The following CSMD1 variants were observed in gnomAD, a reference collection of about 807,000 sequenced individuals.
CSMD1 encodes CUB and sushi domain-containing protein 1.
Under a neutral mutation model 417.5 loss-of-function variants are expected in CSMD1, and 213 were observed. The observed-to-expected ratio is 0.51, with a 90% CI of 0.46 to 0.57. The LOEUF is 0.57. CSMD1 is among the 20% of genes least tolerant of loss of function. The pLI is 0.00. For synonymous variants in CSMD1, 2,862 were observed against 1,736.8 expected, an observed-to-expected ratio of 1.65 and a Z score of -16.11; for missense variants, 6,923 against 4,529.7, an observed-to-expected ratio of 1.53 and a Z score of -15.17.
intron 5 of CSMD1, among the ~76,000 whole-genome samples, chr8:3,852,912 T>C (rs1804015406): frequency 6.6e-6 from 1 of 152,184 alleles, no homozygotes; most frequent in African/African-American, 2.4e-5. Context: ...TAAAATATTT[T>C]ATCTTGATCC....
In CSMD1 at chr8:3,638,442, CA is replaced by C. The variant is rs112968543; in HGVS notation, c.1010-21646del. Among the ~76,000 whole-genome samples the C allele has an allele frequency of 2.0e-3, 279 of 141,448 alleles. 3 individuals are homozygous for C. The highest frequency in any genetic ancestry group is 0.017 in the South Asian group (78 of 4,482). The allele number at this position is 141,448 out of a possible 152,430, so 92.8% of individuals were successfully genotyped here. A position where few individuals can be genotyped will look rare whatever the true frequency, so the allele number is the denominator to read the frequency against. On this transcript the variant is annotated intron_variant, in intron 7 of 69. Coordinates refer to ENST00000635120, the MANE Select transcript of CSMD1 (RefSeq NM_033225.6). ...TTTGCCCACCGCAACTGCACCCCTC[CA>C]AAAAAAAAAACACTGCCTCTGAAAT...
intron 3 of CSMD1, among the ~76,000 whole-genome samples, chr8:4,206,248 G>C (rs1799970411): frequency 6.6e-6 from 1 of 152,056 alleles, no homozygotes; most frequent in Non-Finnish European, 1.5e-5. Flanking sequence ...ACAAGGGGCA[G>C]GTTTGTTACA....
intron 3 of CSMD1, among the ~76,000 whole-genome samples, chr8:4,267,856 A>G (rs1421855911): frequency 6.6e-6 from 1 of 152,140 alleles, no homozygotes; most frequent in African/African-American, 2.4e-5. Flanking sequence ...AATTATTGTC[A>G]TAGCCATATA....
intron 3 of CSMD1, among the ~76,000 whole-genome samples, chr8:4,055,718 A>G (rs898950820): frequency 1.7e-4 from 26 of 152,192 alleles, no homozygotes; most frequent in African/African-American, 6.0e-4. Context: ...ATTAATTACA[A>G]ATAAAAACTT....
chr8:3,040,408 AT>A (rs1811006678), intron 50 of CSMD1, among the ~76,000 whole-genome samples: 1 of 144,248 alleles, frequency 6.9e-6, no homozygotes, highest in African/African-American at 2.6e-5. Context: ...ATATATATAT[AT>A]ATATAACAGA....
intron 2 of CSMD1, among the ~76,000 whole-genome samples, chr8:4,435,115 G>T (rs1489219779): frequency 1.3e-5 from 2 of 151,830 alleles, no homozygotes; most frequent in East Asian, 3.9e-4. Context: ...CTAAAAATAA[G>T]GAAAAACTGT....
chr8:4,460,687 C>G (rs575626004), intron 2 of CSMD1, among the ~76,000 whole-genome samples: 1 of 152,246 alleles, frequency 6.6e-6, no homozygotes, highest in African/African-American at 2.4e-5. Flanking sequence ...TTATAAACAT[C>G]TGGTAGTCAA....
intron 10 of CSMD1, among the ~76,000 whole-genome samples, chr8:3,563,630 C>G (rs1281069000): frequency 6.6e-6 from 1 of 152,078 alleles, no homozygotes; most frequent in Non-Finnish European, 1.5e-5. Context: ...GTGGCTCATA[C>G]TTGTAATCCC....
At chr8:2,964,412 G>A (rs1170506196) in intron 59 of CSMD1, among the ~76,000 whole-genome samples, 1 of 152,322 alleles carries the variant, frequency 6.6e-6, no homozygotes, top group East Asian at 1.9e-4. Flanking sequence ...ATGTCCAGGG[G>A]GAGGCCCCAG....
At chr8:4,158,435 A>AC (rs1479715899) in intron 3 of CSMD1, among the ~76,000 whole-genome samples, 3 of 152,170 alleles carry the variant, frequency 2.0e-5, no homozygotes, top group African/African-American at 7.2e-5. Context: ...AAACAAACAA[A>AC]AAAAAATCAA....
At chr8:3,317,203 C>A (rs1015509619) in intron 23 of CSMD1, among the ~76,000 whole-genome samples, 11 of 152,158 alleles carry the variant, frequency 7.2e-5, no homozygotes, top group African/African-American at 2.7e-4. Flanking sequence ...ATAGCAGATC[C>A]CCTGTATTAA....
chr8:4,990,411 T>A (rs1213836086), intron 1 of CSMD1, among the ~76,000 whole-genome samples: 5 of 152,042 alleles, frequency 3.3e-5, no homozygotes, highest in African/African-American at 4.8e-5. Context: ...TTGCCCAGGC[T>A]GGAGTGCAAT....
chr8:3,720,527 T>G (rs553636607), intron 6 of CSMD1, among the ~76,000 whole-genome samples: 1 of 152,068 alleles, frequency 6.6e-6, no homozygotes, highest in Non-Finnish European at 1.5e-5. Context: ...AGACCTTTTG[T>G]TGTCTCAACA....
At chr8:4,765,419 A>T (rs773393727) in intron 1 of CSMD1, among the ~76,000 whole-genome samples, 5 of 152,204 alleles carry the variant, frequency 3.3e-5, no homozygotes, top group Non-Finnish European at 5.9e-5. Flanking sequence ...TTTCAAGATA[A>T]TTCACTGTAT....
intron 7 of CSMD1, among the ~76,000 whole-genome samples, chr8:3,680,776 GC>G (rs1280311240): frequency 1.3e-5 from 2 of 152,158 alleles, no homozygotes; most frequent in Admixed American, 6.5e-5. Flanking sequence ...GAACATTGAT[GC>G]AAAAATTCTC....
chr8:3,180,328 A>G (rs1821242847), intron 37 of CSMD1, among the ~76,000 whole-genome samples: 1 of 152,208 alleles, frequency 6.6e-6, no homozygotes, highest in Non-Finnish European at 1.5e-5. Context: ...AATTAAAATG[A>G]ATAACACACA....
intron 18 of CSMD1, among the ~76,000 whole-genome samples, chr8:3,372,960 A>G (rs1051229513): frequency 6.6e-6 from 1 of 152,104 alleles, no homozygotes; most frequent in Non-Finnish European, 1.5e-5. Flanking sequence ...TGGATTCGTA[A>G]CTTTTCACTG....
At chr8:3,773,279 T>C (rs537781287) in intron 5 of CSMD1, among the ~76,000 whole-genome samples, 4 of 152,240 alleles carry the variant, frequency 2.6e-5, no homozygotes, top group South Asian at 4.1e-4. Flanking sequence ...TTTGGGGATA[T>C]AATAGGTTTG....
intron 25 of CSMD1, among the ~76,000 whole-genome samples, chr8:3,291,261 A>T (rs544351579): frequency 2.0e-5 from 3 of 152,248 alleles, no homozygotes; most frequent in East Asian, 1.9e-4. Context: ...ATCGATGTTC[A>T]TAAGGGATAT....
Sources: gnomAD v4.1 joint callset for allele counts (sites outside exome capture counted in the v4.1 genomes callset) on GRCh38, gnomAD v4.1.1 for gene constraint, MANE v1.5 for transcripts, NCBI Gene and HGNC (gene_info 2026-07-23, HGNC 2026-07-21) for gene names.